DPP6: variants seen among roughly 807,000 people sequenced by gnomAD.
DPP6 encodes A-type potassium channel modulatory protein DPP6.
A neutral mutation model predicts 122.6 loss-of-function variants in DPP6; 69 were observed. The observed-to-expected ratio is 0.56, with a 90% CI of 0.46 to 0.69. The LOEUF (loss-of-function observed/expected upper bound fraction) is 0.69. DPP6 is among the 30% of genes least tolerant of loss of function. DPP6 has a pLI of 0.00. For synonymous variants in DPP6, 418 were observed against 433.1 expected (o/e 0.97, Z 0.43); for missense variants, 928 against 1,116.9 (o/e 0.83, Z 2.41).
chr7:154,873,171 G>A (rs1232974935), intron 19 of DPP6, among the ~76,000 whole-genome samples: 1 of 152,224 alleles, frequency 6.6e-6, no homozygotes, highest in Non-Finnish European at 1.5e-5. Context: ...TAAAGCCTCC[G>A]GTTTGGGTTT....
chr7:153,944,570 CAAG>C (rs892802720), intron 1 of DPP6, among the ~76,000 whole-genome samples: 7 of 150,258 alleles, frequency 4.7e-5, no homozygotes, highest in East Asian at 2.0e-4. Context: ...TGCCAGCACA[CAAG>C]GAGGAGGCGG....
intron 1 of DPP6, among the ~76,000 whole-genome samples, chr7:154,310,557 A>C (rs185350278): frequency 7.0e-4 from 106 of 152,304 alleles, no homozygotes; most frequent in Middle Eastern, 3.4e-3. Context: ...TGTGCATTAA[A>C]TGCATTTTGT....
chr7:154,322,698 G>A (rs987530657), intron 1 of DPP6, among the ~76,000 whole-genome samples: 8 of 152,148 alleles, frequency 5.3e-5, no homozygotes, highest in African/African-American at 1.9e-4. Context: ...AATTCCAGGT[G>A]TACTCGGGAA....
In DPP6 at chr7:154,446,222, G is replaced by A. The variant is rs755612569; in HGVS notation, c.252G>A (p.Val84=). The change falls in exon 2 of 26, where the codon GTG becomes GTA. Residue 84 remains valine, a synonymous_variant. Coordinates refer to ENST00000377770, the MANE Select transcript of DPP6 (RefSeq NM_130797.4). ...RSDGDEEDEL[V]GSNPPQRNWK... ...GTTGTTGCTGTTTTTAGGAGCTGGTGGGGAGTAACCCTCCGCAGAGGAATT... is the reference window on the plus strand; with the variant it reads ...GTTGTTGCTGTTTTTAGGAGCTGGTAGGGAGTAACCCTCCGCAGAGGAATT... 12 of 1,597,080 alleles carry A rather than the reference G, an allele frequency of 7.5e-6. No individual in the cohort carries two copies. The highest frequency in any genetic ancestry group is 1.0e-5 in the Non-Finnish European group (12 of 1,171,536).
chr7:153,858,641 T>C, the DPP6 span, among the ~76,000 whole-genome samples: 1 of 152,220 alleles, frequency 6.6e-6, no homozygotes, highest in Non-Finnish European at 1.5e-5. Context: ...TTCAGCTTAC[T>C]GTGTGAGCAA....
chr7:154,352,863 A>G (rs973779660), intron 1 of DPP6, among the ~76,000 whole-genome samples: 3 of 152,240 alleles, frequency 2.0e-5, no homozygotes, highest in African/African-American at 7.2e-5. Context: ...GCAGATGTTT[A>G]TGCACTGACT....
At chr7:154,285,654 C>G (rs115070703) in intron 1 of DPP6, among the ~76,000 whole-genome samples, 209 of 152,314 alleles carry the variant, frequency 1.4e-3, no homozygotes, top group African/African-American at 4.9e-3. Context: ...AATATGAGAG[C>G]AGGCCACATG....
chr7:154,299,617 A>T (rs1805771170), intron 1 of DPP6, among the ~76,000 whole-genome samples: 2 of 152,112 alleles, frequency 1.3e-5, no homozygotes, highest in Non-Finnish European at 2.9e-5. Context: ...TTTTTAGGGG[A>T]TTGTAAGTTA....
At chr7:154,869,147 A>C (rs1804150222) in intron 18 of DPP6, among the ~76,000 whole-genome samples, 1 of 152,280 alleles carries the variant, frequency 6.6e-6, no homozygotes, top group East Asian at 1.9e-4. Context: ...GAGGAGCCAC[A>C]CACCTTGCGT....
intron 2 of DPP6, among the ~76,000 whole-genome samples, chr7:154,459,821 AAAAG>A (rs1301476865): frequency 2.1e-5 from 3 of 144,106 alleles, no homozygotes; most frequent in Middle Eastern, 3.5e-3. Flanking sequence ...AAAAAAAAAA[AAAAG>A]AAAAGAAAAA....
At chr7:154,305,189 A>G (rs962007693) in intron 1 of DPP6, 2 of 1,038,002 alleles carry the variant, frequency 1.9e-6, no homozygotes, top group African/African-American at 1.7e-5. Flanking sequence ...CCCAGCCGCC[A>G]CTTGCCGGTT....
chr7:154,857,759 C>G (rs1020788423), intron 17 of DPP6, among the ~76,000 whole-genome samples: 3 of 152,184 alleles, frequency 2.0e-5, no homozygotes, highest in Non-Finnish European at 2.9e-5. Flanking sequence ...GATGAAGGGT[C>G]CACAGCATGT....
intron 1 of DPP6, among the ~76,000 whole-genome samples, chr7:153,952,172 TC>T (rs1295082605): frequency 1.3e-5 from 2 of 152,218 alleles, no homozygotes; most frequent in African/African-American, 2.4e-5. Flanking sequence ...AAGACCCAGC[TC>T]CTGTTAGCCT....
At chr7:154,005,342 G>A (rs567507945) in intron 1 of DPP6, among the ~76,000 whole-genome samples, 156 of 152,246 alleles carry the variant, frequency 1.0e-3, no homozygotes, top group African/African-American at 3.7e-3. Context: ...CTCAGGGGCC[G>A]GGGGCTGAAC....
intron 1 of DPP6, among the ~76,000 whole-genome samples, chr7:154,406,539 G>A (rs1046964841): frequency 5.9e-5 from 9 of 151,554 alleles, no homozygotes; most frequent in African/African-American, 1.5e-4. Flanking sequence ...ACACACACAC[G>A]CACCTGCACA....
At chr7:154,238,770 A>T (rs1048575261) in intron 1 of DPP6, among the ~76,000 whole-genome samples, 4 of 152,226 alleles carry the variant, frequency 2.6e-5, no homozygotes, top group African/African-American at 9.6e-5. Context: ...CTTGATCCTC[A>T]TGAAAATTAT....
chr7:154,578,641 C>T (rs1831843611), intron 5 of DPP6, among the ~76,000 whole-genome samples: 1 of 152,062 alleles, frequency 6.6e-6, no homozygotes, highest in Non-Finnish European at 1.5e-5. Context: ...TTGAACAGTT[C>T]CCAAATTGGG....
chr7:154,219,170 C>T (rs1441721546), intron 1 of DPP6, among the ~76,000 whole-genome samples: 1 of 152,108 alleles, frequency 6.6e-6, no homozygotes, highest in Non-Finnish European at 1.5e-5. Flanking sequence ...GATATGAAGC[C>T]CTTGTCTGCC....
intron 1 of DPP6, among the ~76,000 whole-genome samples, chr7:154,380,571 G>A (rs775283019): frequency 1.4e-4 from 21 of 152,204 alleles, no homozygotes; most frequent in South Asian, 2.1e-4. Context: ...GTTGGGAAAC[G>A]GCAGGTGAGT....
Sources: gnomAD v4.1 joint callset for allele counts (sites outside exome capture counted in the v4.1 genomes callset) on GRCh38, gnomAD v4.1.1 for gene constraint, MANE v1.5 for transcripts, NCBI Gene and HGNC (gene_info 2026-07-23, HGNC 2026-07-21) for gene names.